ARHGAP24: variants seen among roughly 807,000 people sequenced by gnomAD.
The protein encoded by ARHGAP24 is Rho GTPase activating protein 24.
ARHGAP24 carries 50 observed loss-of-function variants against 76.4 expected under a neutral mutation model. The ratio of observed to expected loss-of-function variants is 0.65; its 90% CI spans 0.52 to 0.83. The LOEUF (loss-of-function observed/expected upper bound fraction) is 0.83. Ranked by LOEUF, ARHGAP24 falls within the 40% of genes least tolerant of loss-of-function variation. The probability of loss-of-function intolerance (pLI) is 0.00; values close to 1 mark genes in which losing one functional copy is unlikely to be tolerated. For missense variants in ARHGAP24, 930 were observed against 914.2 expected, an observed-to-expected ratio of 1.02 and a Z score of -0.22; for synonymous variants, 345 against 323.3, an observed-to-expected ratio of 1.07 and a Z score of -0.72.
chr4:85,957,629 AAATACAGTCAGGTCACTCT>A (rs1177960077), intron 5 of ARHGAP24, among the ~76,000 whole-genome samples: 1 of 152,200 alleles, frequency 6.6e-6, no homozygotes, highest in East Asian at 1.9e-4. Context: ...ACACTTTGGG[AAATACAGTCAGGTCACTCT>A]TTGCTAACAC....
At chr4:85,681,585 C>T (rs1415637987) in intron 2 of ARHGAP24, among the ~76,000 whole-genome samples, 3 of 152,136 alleles carry the variant, frequency 2.0e-5, no homozygotes, top group Non-Finnish European at 4.4e-5. Flanking sequence ...ACAAGATCAC[C>T]CCAGGAGAGT....
At position 85,475,215 on chromosome 4, in the gene ARHGAP24, C is replaced by T. The variant is rs1722516841; in HGVS notation, c.-365C>T. 1 of 152,368 alleles carries T rather than the reference C, an allele frequency of 6.6e-6. No individual in the cohort carries two copies. The highest frequency in any genetic ancestry group is 1.5e-5 in the Non-Finnish European group (1 of 68,198). The allele number at this position is 152,368 out of a possible 1,614,324, so 9.4% of individuals were successfully genotyped here. On this transcript the variant is annotated 5_prime_UTR_variant, in exon 1 of 10. Transcript: ENST00000395184. ...TCTCAAGTGCATGTGGCAACACAGC[C>T]CAGCTCCGGGTGGAAACCAGCAGGG...
intron 9 of ARHGAP24, among the ~76,000 whole-genome samples, chr4:85,997,360 T>C (rs945192302): frequency 7.7e-6 from 1 of 130,286 alleles, no homozygotes; most frequent in Admixed American, 7.1e-5. Context: ...AGATAATAGA[T>C]AGATGATAGA....
intron 1 of ARHGAP24, among the ~76,000 whole-genome samples, chr4:85,517,254 C>T (rs1459381206): frequency 6.6e-6 from 1 of 152,118 alleles, no homozygotes; most frequent in Non-Finnish European, 1.5e-5. Context: ...ATTTTTTCAC[C>T]TATCCCTTAT....
rs117849837 is a variant in ARHGAP24 at position 85,932,151 on chromosome 4, T to G, written c.391+8381T>G. ...GATTTCAGGTGTTAATTTACATTCC[T>G]ATCTCATCCACAAAGATAATTAAAT... is the stretch of plus-strand genomic sequence containing the variant. On this transcript the variant is annotated intron_variant, in intron 4 of 9. Transcript: ENST00000395184. 3.2e-4 allele frequency among the ~76,000 whole-genome samples: 49 copies of G among 152,344 alleles called. 1 individual carries two copies. In the East Asian group the frequency reaches 7.3e-3, roughly 23 times the overall value.
At chr4:85,879,018 G>T (rs541387410) in intron 3 of ARHGAP24, among the ~76,000 whole-genome samples, 4 of 152,328 alleles carry the variant, frequency 2.6e-5, no homozygotes, top group African/African-American at 9.6e-5. Context: ...TTCAATGACT[G>T]TGGAAATGTT....
At chr4:85,904,269 G>A (rs72972047) in intron 3 of ARHGAP24, among the ~76,000 whole-genome samples, 2,132 of 152,292 alleles carry the variant, frequency 0.014, 43 homozygotes, top group African/African-American at 0.045. Context: ...CCAGGAGCAG[G>A]CAGTTCACAT....
intron 1 of ARHGAP24, among the ~76,000 whole-genome samples, chr4:85,503,266 T>C (rs1723901273): frequency 6.6e-6 from 1 of 152,238 alleles, no homozygotes; most frequent in African/African-American, 2.4e-5. Flanking sequence ...CTTTTTCTAT[T>C]GATTGGAATA....
intron 1 of ARHGAP24, among the ~76,000 whole-genome samples, chr4:85,565,358 C>G (rs1323279640): frequency 6.6e-6 from 1 of 152,126 alleles, no homozygotes; most frequent in Non-Finnish European, 1.5e-5. Context: ...TCCCACAAAT[C>G]TCTCATAGGT....
At chr4:85,636,045 T>G (rs572415852) in intron 2 of ARHGAP24, among the ~76,000 whole-genome samples, 2 of 151,292 alleles carry the variant, frequency 1.3e-5, no homozygotes, top group African/African-American at 4.8e-5. Context: ...CTAACTCACA[T>G]TATCAAAATT....
chr4:85,613,805 T>C (rs879687233), intron 2 of ARHGAP24, among the ~76,000 whole-genome samples: 5 of 152,182 alleles, frequency 3.3e-5, no homozygotes, highest in Non-Finnish European at 7.4e-5. Flanking sequence ...GGATCTTCAT[T>C]TTTCTAGCCT....
At chr4:85,780,079 T>C (rs1355667134) in intron 3 of ARHGAP24, among the ~76,000 whole-genome samples, 2 of 152,230 alleles carry the variant, frequency 1.3e-5, no homozygotes, top group Non-Finnish European at 2.9e-5. Flanking sequence ...ATACATATTA[T>C]AGAATTTTTC....
chr4:85,576,776 A>AT (rs1017795495), intron 2 of ARHGAP24, among the ~76,000 whole-genome samples: 3 of 152,216 alleles, frequency 2.0e-5, no homozygotes, highest in African/African-American at 4.8e-5. Flanking sequence ...GTTATTTAAA[A>AT]TTTTATTGCT....
At chr4:85,607,713 G>C (rs1720246182) in intron 2 of ARHGAP24, among the ~76,000 whole-genome samples, 1 of 128,360 alleles carries the variant, frequency 7.8e-6, no homozygotes, top group Non-Finnish European at 1.7e-5. Context: ...ACTTGGCACG[G>C]CGTAGCTATG....
At chr4:85,720,527 T>C (rs1347970236) in intron 2 of ARHGAP24, among the ~76,000 whole-genome samples, 1 of 152,116 alleles carries the variant, frequency 6.6e-6, no homozygotes, top group Non-Finnish European at 1.5e-5. Context: ...TAAGACATCT[T>C]TGAGATAAGT....
intron 3 of ARHGAP24, among the ~76,000 whole-genome samples, chr4:85,907,070 G>T (rs578075769): frequency 6.6e-6 from 1 of 152,130 alleles, no homozygotes; most frequent in Non-Finnish European, 1.5e-5. Context: ...TGATTTACAC[G>T]AACTCTTGCT....
intron 1 of ARHGAP24, among the ~76,000 whole-genome samples, chr4:85,567,680 G>A (rs1227551785): frequency 6.6e-6 from 1 of 152,178 alleles, no homozygotes; most frequent in Non-Finnish European, 1.5e-5. Flanking sequence ...TACACTTATG[G>A]AATTACAGAG....
At chr4:85,726,779 A>G (rs1035194306) in intron 3 of ARHGAP24, among the ~76,000 whole-genome samples, 3 of 152,142 alleles carry the variant, frequency 2.0e-5, no homozygotes, top group Non-Finnish European at 4.4e-5. Flanking sequence ...GCTTTATTTA[A>G]TCCTTACTAC....
chr4:85,800,071 G>A (rs1049372393), intron 3 of ARHGAP24, among the ~76,000 whole-genome samples: 5 of 152,074 alleles, frequency 3.3e-5, no homozygotes, highest in Non-Finnish European at 7.4e-5. Flanking sequence ...GTAAAAAGCT[G>A]GTGAAAGCAA....
Sources: allele counts gnomAD v4.1 joint callset (sites outside exome capture counted in the v4.1 genomes callset), GRCh38; gene constraint gnomAD v4.1.1; transcripts MANE v1.5; gene names NCBI Gene and HGNC (gene_info 2026-07-23, HGNC 2026-07-21).